The following PCDH7 variants were observed in gnomAD, a reference collection of about 807,000 sequenced individuals.
The protein encoded by PCDH7 is protocadherin 7.
In PCDH7, 17 loss-of-function variants were observed where a neutral mutation model predicts 58.9. The observed-to-expected ratio is 0.29, with a 90% CI of 0.20 to 0.43. The LOEUF is 0.43. Ranked by LOEUF, PCDH7 falls within the 20% of genes least tolerant of loss-of-function variation. The probability of loss-of-function intolerance (pLI) is 1.00; values close to 1 mark genes in which losing one functional copy is unlikely to be tolerated. For synonymous variants in PCDH7, 664 were observed against 616.4 expected (o/e 1.08, Z -1.14); for missense variants, 1,274 against 1,441.0 (o/e 0.88, Z 1.88).
intron 3 of PCDH7, among the ~76,000 whole-genome samples, chr4:31,123,211 A>C (rs1300698539): frequency 6.6e-6 from 1 of 152,170 alleles, no homozygotes. Context: ...ATTGGTAAAC[A>C]TAACAAATTT....
chr4:30,801,811 ACTGT>A (rs1024806699), intron 1 of PCDH7, among the ~76,000 whole-genome samples: 15 of 152,166 alleles, frequency 9.9e-5, no homozygotes, highest in African/African-American at 3.6e-4. Flanking sequence ...GAACAGGTAA[ACTGT>A]CTCTTTCAAA....
chr4:31,126,665 C>T (rs1254155588), intron 3 of PCDH7, among the ~76,000 whole-genome samples: 2 of 152,008 alleles, frequency 1.3e-5, no homozygotes, highest in African/African-American at 4.8e-5. Context: ...GGCTTATTTG[C>T]GGAACAGGGA....
chr4:30,816,731 T>C (rs1727723291), intron 1 of PCDH7, among the ~76,000 whole-genome samples: 1 of 152,300 alleles, frequency 6.6e-6, no homozygotes, highest in East Asian at 1.9e-4. Context: ...AGATGTTTTC[T>C]ATAGTGAATT....
intron 3 of PCDH7, among the ~76,000 whole-genome samples, chr4:31,107,570 A>G (rs1465933540): frequency 6.6e-6 from 1 of 152,210 alleles, no homozygotes; most frequent in Non-Finnish European, 1.5e-5. Context: ...AGATGTCAGT[A>G]TAATATTCCT....
At chr4:31,115,473 T>C (rs1006540862) in intron 3 of PCDH7, among the ~76,000 whole-genome samples, 4 of 152,180 alleles carry the variant, frequency 2.6e-5, no homozygotes, top group Non-Finnish European at 5.9e-5. Context: ...AATTCTTTAT[T>C]TTCCGCTCAT....
At chr4:30,962,817 CTA>C (rs1314757455) in intron 3 of PCDH7, among the ~76,000 whole-genome samples, 15 of 139,658 alleles carry the variant, frequency 1.1e-4, no homozygotes, top group Non-Finnish European at 2.0e-4. Context: ...AGTGGTAATT[CTA>C]TATAAGTGAA....
At chr4:30,805,973 G>T (rs1250689254) in intron 1 of PCDH7, among the ~76,000 whole-genome samples, 1 of 152,154 alleles carries the variant, frequency 6.6e-6, no homozygotes, top group Admixed American at 6.5e-5. Flanking sequence ...TCAGATTTTA[G>T]AATATTGCAT....
intron 1 of PCDH7, among the ~76,000 whole-genome samples, chr4:30,858,506 G>A (rs1437923199): frequency 5.3e-5 from 8 of 151,992 alleles, no homozygotes; most frequent in South Asian, 2.1e-4. Context: ...TATTCTAACC[G>A]GTGCAAGTAA....
At chr4:30,796,619 T>C (rs1724806288) in intron 1 of PCDH7, among the ~76,000 whole-genome samples, 1 of 152,230 alleles carries the variant, frequency 6.6e-6, no homozygotes. Flanking sequence ...CTCAGATTCT[T>C]GCAAGGACAG....
intron 3 of PCDH7, among the ~76,000 whole-genome samples, chr4:31,113,355 G>T (rs540762722): frequency 6.6e-6 from 1 of 152,096 alleles, no homozygotes; most frequent in Non-Finnish European, 1.5e-5. Flanking sequence ...AACCATAATT[G>T]CATTATTAAA....
chr4:31,000,569 G>A (rs1752283667), intron 3 of PCDH7, among the ~76,000 whole-genome samples: 1 of 152,012 alleles, frequency 6.6e-6, no homozygotes, highest in African/African-American at 2.4e-5. Context: ...ATGGGGAAAA[G>A]AGAAAAAGGT....
intron 3 of PCDH7, among the ~76,000 whole-genome samples, chr4:31,123,959 C>T (rs1316202903): frequency 1.3e-5 from 2 of 152,166 alleles, no homozygotes; most frequent in Non-Finnish European, 1.5e-5. Context: ...GCCTCTTCTC[C>T]TCTCAACGTC....
intron 3 of PCDH7, among the ~76,000 whole-genome samples, chr4:31,140,757 C>T (rs982190505): frequency 1.4e-4 from 21 of 151,832 alleles, no homozygotes; most frequent in African/African-American, 3.6e-4. Context: ...ATCTAAGATA[C>T]GTATTTGAGA....
intron 2 of PCDH7, among the ~76,000 whole-genome samples, chr4:30,941,345 A>G (rs555107903): frequency 1.3e-5 from 2 of 152,110 alleles, no homozygotes; most frequent in Admixed American, 6.6e-5. Flanking sequence ...GAGGGAAATC[A>G]TCCATTTTGT....
chr4:30,769,901 A>G (rs967399019), intron 1 of PCDH7, among the ~76,000 whole-genome samples: 1 of 152,200 alleles, frequency 6.6e-6, no homozygotes, highest in African/African-American at 2.4e-5. Context: ...TTAGTCCATA[A>G]ATGGTTTTTC....
At chr4:30,914,429 T>G (rs1226565162) in intron 1 of PCDH7, among the ~76,000 whole-genome samples, 3 of 152,190 alleles carry the variant, frequency 2.0e-5, no homozygotes, top group Non-Finnish European at 4.4e-5. Context: ...CATTCCAAAA[T>G]AACTGAATAG....
intron 2 of PCDH7, among the ~76,000 whole-genome samples, chr4:30,938,304 C>G (rs950528063): frequency 1.3e-5 from 2 of 152,064 alleles, no homozygotes; most frequent in African/African-American, 2.4e-5. Flanking sequence ...ATTGATTGGA[C>G]TTTATGAACT....
downstream of PCDH7, among the ~76,000 whole-genome samples, chr4:30,736,620 C>A (rs926787260): frequency 2.7e-5 from 4 of 150,696 alleles, no homozygotes; most frequent in Non-Finnish European, 5.9e-5. Context: ...ACTGCAAGCT[C>A]CGCCTCCCGG....
chr4:30,863,181 A>G (rs1300554875), intron 1 of PCDH7, among the ~76,000 whole-genome samples: 2 of 152,132 alleles, frequency 1.3e-5, no homozygotes, highest in African/African-American at 4.8e-5. Context: ...TTGCTTGAAA[A>G]TATTATGGAA....
Sources: gnomAD v4.1 joint callset for allele counts (sites outside exome capture counted in the v4.1 genomes callset) on GRCh38, gnomAD v4.1.1 for gene constraint, MANE v1.5 for transcripts, NCBI Gene and HGNC (gene_info 2026-07-23, HGNC 2026-07-21) for gene names.